Variants in PDE12 observed in about 807,000 individuals in gnomAD.
PDE12 encodes the protein 2',5'-phosphodiesterase 12.
In PDE12, 26 loss-of-function variants were observed where a neutral mutation model predicts 45.4. The observed-to-expected ratio is 0.57, with a 90% CI of 0.42 to 0.79. PDE12 has a LOEUF of 0.79. Ranked by LOEUF, PDE12 falls within the 30% of genes least tolerant of loss-of-function variation. The probability of loss-of-function intolerance (pLI) is 0.00; values close to 1 mark genes in which losing one functional copy is unlikely to be tolerated. For missense variants in PDE12, 668 were observed against 790.0 expected (o/e 0.85, Z 1.85); for synonymous variants, 283 against 323.9 (o/e 0.87, Z 1.36).
At chr3:57,633,415 C>G in the PDE12 span, 1 of 1,330,980 alleles carries the variant, frequency 7.5e-7, no homozygotes, top group Non-Finnish European at 1.1e-6. Context: ...CAATGGATAA[C>G]TATCAGATTC....
At chr3:57,635,986 T>C in the PDE12 span, among the ~76,000 whole-genome samples, 1 of 152,224 alleles carries the variant, frequency 6.6e-6, no homozygotes, top group Non-Finnish European at 1.5e-5. Context: ...ATCTTCCTCA[T>C]GATTTTCTTA....
chr3:57,574,878 C>T, the PDE12 span, among the ~76,000 whole-genome samples: 3 of 145,934 alleles, frequency 2.1e-5, no homozygotes, highest in South Asian at 2.2e-4. Context: ...GACCGAGTTT[C>T]GCTCTTGTTG....
chr3:57,582,755 A>ATTAAC, the PDE12 span, among the ~76,000 whole-genome samples: 55,078 of 151,452 alleles, frequency 0.36, 10,270 homozygotes, highest in East Asian at 0.56. Flanking sequence ...AAAAAAAATT[A>ATTAAC]TTAAGTAATA....
chr3:57,561,027 A>C lies in PDE12; in HGVS notation c.*1023A>C. Reference sequence around the variant, plus strand: ...TAGTTTTTAGTGTATGGTACAAATGAACACAGTTTATATTCTAATTCTTAC... The same window carrying C: ...TAGTTTTTAGTGTATGGTACAAATGCACACAGTTTATATTCTAATTCTTAC... On this transcript the variant is annotated 3_prime_UTR_variant, in exon 3 of 3. Transcript: ENST00000311180. 2.0e-6 allele frequency: 2 copies of C among 975,972 alleles called. No homozygotes were observed. Among genetic ancestry groups the C allele is most frequent in the South Asian group, 9.5e-5 (2 of 21,074 alleles). 60.5% of individuals were successfully genotyped at this position (975,972 alleles called of 1,614,324 possible).
chr3:57,589,739 A>C, the PDE12 span, among the ~76,000 whole-genome samples: 2 of 151,678 alleles, frequency 1.3e-5, no homozygotes, highest in African/African-American at 2.4e-5. Context: ...CAAAAAACCC[A>C]AAAAAACAAA....
At chr3:57,597,946 G>A in the PDE12 span, 45 of 152,302 alleles carry the variant, frequency 3.0e-4, no homozygotes, top group African/African-American at 9.4e-4. Context: ...ATGAGCTAGG[G>A]CTAGACGCTT....
chr3:57,599,348 C>G, the PDE12 span, among the ~76,000 whole-genome samples: 1 of 152,170 alleles, frequency 6.6e-6, no homozygotes, highest in Non-Finnish European at 1.5e-5. Context: ...TAAGCAGTTC[C>G]CAGCTTGACT....
the PDE12 span, chr3:57,634,564 T>C: frequency 7.3e-7 from 1 of 1,377,948 alleles, no homozygotes. Flanking sequence ...TTACCTTCTG[T>C]AATTGTTTTA....
chr3:57,590,311 CCT>C, the PDE12 span, among the ~76,000 whole-genome samples: 7 of 151,190 alleles, frequency 4.6e-5, no homozygotes, highest in Admixed American at 3.3e-4. Context: ...ATGGTGAAAC[CCT>C]GTCTCTACTA....
the PDE12 span, chr3:57,572,004 T>G: frequency 2.1e-6 from 1 of 482,188 alleles, no homozygotes; most frequent in Non-Finnish European, 3.7e-6. Context: ...AGGATACTTT[T>G]TTCCCAAGGA....
At chr3:57,557,715 A>G (rs1375324048) in intron 1 of PDE12, 28 bp downstream of exon 1, 3 of 1,587,216 alleles carry the variant, frequency 1.9e-6, no homozygotes, top group Middle Eastern at 1.7e-4. Context: ...GTCTCTTCAC[A>G]TACTGTCCCA....
chr3:57,652,871 T>G, the PDE12 span, among the ~76,000 whole-genome samples: 3 of 152,200 alleles, frequency 2.0e-5, no homozygotes, highest in African/African-American at 7.2e-5. Flanking sequence ...AGTCAGAGAC[T>G]AAAGAACTAT....
the PDE12 span, chr3:57,630,986 C>A: frequency 1.5e-5 from 24 of 1,608,584 alleles, no homozygotes; most frequent in African/African-American, 2.4e-4. Flanking sequence ...TTCCTAAAAC[C>A]AAGAAAAAAG....
chr3:57,607,250 A>G, the PDE12 span, among the ~76,000 whole-genome samples: 14 of 152,292 alleles, frequency 9.2e-5, no homozygotes, highest in African/African-American at 2.6e-4. Flanking sequence ...GTACATCACC[A>G]TCATCAAAGA....
the PDE12 span, among the ~76,000 whole-genome samples, chr3:57,608,639 G>A: frequency 6.6e-6 from 1 of 151,938 alleles, no homozygotes. Context: ...AAGAGACAAA[G>A]AAGGCCATTA....
At chr3:57,613,850 G>A in the PDE12 span, among the ~76,000 whole-genome samples, 3 of 138,962 alleles carry the variant, frequency 2.2e-5, no homozygotes, top group Non-Finnish European at 4.5e-5. Flanking sequence ...GCAGTGAGCC[G>A]AGGTCACACC....
At chr3:57,584,767 G>A in the PDE12 span, among the ~76,000 whole-genome samples, 1 of 151,536 alleles carries the variant, frequency 6.6e-6, no homozygotes, top group Non-Finnish European at 1.5e-5. Flanking sequence ...AGGACACTGA[G>A]ACCAGAGAAA....
chr3:57,652,360 CG>C, the PDE12 span, among the ~76,000 whole-genome samples: 3 of 152,134 alleles, frequency 2.0e-5, no homozygotes, highest in South Asian at 6.2e-4. Flanking sequence ...CAGAGAACTG[CG>C]ATCTCCAGCC....
At chr3:57,610,302 G>A in the PDE12 span, among the ~76,000 whole-genome samples, 1 of 152,152 alleles carries the variant, frequency 6.6e-6, no homozygotes, top group Non-Finnish European at 1.5e-5. Flanking sequence ...AAAACTGGAA[G>A]CATTCCCTTT....
Sources: allele counts gnomAD v4.1 joint callset (sites outside exome capture counted in the v4.1 genomes callset), GRCh38; gene constraint gnomAD v4.1.1; transcripts MANE v1.5; gene names NCBI Gene and HGNC (gene_info 2026-07-23, HGNC 2026-07-21).